Variants in POLA1 observed in about 807,000 individuals in gnomAD.
POLA1 encodes the protein DNA polymerase alpha 1, catalytic subunit.
A neutral mutation model predicts 124.0 loss-of-function variants in POLA1; 15 were observed. That is an observed-to-expected ratio of 0.12 (90% CI 0.08 to 0.19). The LOEUF (loss-of-function observed/expected upper bound fraction) is 0.19, where lower values mean the gene tolerates loss of function less well. POLA1 is among the 10% of genes least tolerant of loss of function. POLA1 has a pLI of 1.00. For missense variants in POLA1, 886 were observed against 1,103.4 expected, an observed-to-expected ratio of 0.80 and a Z score of 2.79; for synonymous variants, 408 against 389.4, an observed-to-expected ratio of 1.05 and a Z score of -0.56.
At chrX:24,790,887 C>G (rs1334210665) in intron 26 of POLA1, among the ~76,000 whole-genome samples, 7 of 94,927 alleles carry the variant, frequency 7.4e-5, no homozygotes, top group Non-Finnish European at 1.4e-4. Context: ...TATATACAGC[C>G]CCCACTCATT....
chrX:24,748,734 G>T, intron 25 of POLA1, 136 bp from the exon 26 acceptor site: 1 of 671,726 alleles, frequency 1.5e-6, no homozygotes. Context: ...AGGAGAATGG[G>T]TTGAGTATAT....
At chrX:24,764,188 G>C (rs769640165) in intron 26 of POLA1, among the ~76,000 whole-genome samples, 32 of 112,185 alleles carry the variant, frequency 2.9e-4, no homozygotes, top group Non-Finnish European at 4.7e-4. Context: ...AAATGCGTTT[G>C]ATACATAATA....
chrX:24,814,891 C>T, intron 29 of POLA1, 88 bp from the exon 30 acceptor site: 1 of 814,625 alleles, frequency 1.2e-6, no homozygotes, highest in Non-Finnish European at 1.7e-6. Context: ...AATCTAATGG[C>T]ATTTCTCTTC....
intron 26 of POLA1, among the ~76,000 whole-genome samples, chrX:24,760,751 C>T (rs1260265569): frequency 1.8e-5 from 2 of 111,766 alleles, no homozygotes; most frequent in African/African-American, 3.3e-5. Flanking sequence ...TTACAATGAA[C>T]TGAGATTGGT....
At chrX:24,943,793 TACAC>T (rs202218478) in intron 36 of POLA1, among the ~76,000 whole-genome samples, 438 of 112,775 alleles carry the variant, frequency 3.9e-3, no homozygotes, top group Middle Eastern at 9.2e-3. Flanking sequence ...TTCAGTAACT[TACAC>T]AGGAGTCTTT....
intron 34 of POLA1, among the ~76,000 whole-genome samples, chrX:24,855,063 A>G (rs778447919): frequency 2.6e-4 from 29 of 111,655 alleles, no homozygotes; most frequent in Non-Finnish European, 4.0e-4. Flanking sequence ...AGATTAGTAT[A>G]TAAGGAATGA....
intron 36 of POLA1, among the ~76,000 whole-genome samples, chrX:24,957,905 G>A (rs1044583459): frequency 3.6e-5 from 4 of 110,526 alleles, no homozygotes; most frequent in African/African-American, 6.6e-5. Context: ...GTAGTCCTGC[G>A]TCTTGGTGGG....
At chrX:24,818,077 C>A (rs1194627531) in intron 30 of POLA1, among the ~76,000 whole-genome samples, 1 of 109,725 alleles carries the variant, frequency 9.1e-6, no homozygotes, top group Non-Finnish European at 1.9e-5. Flanking sequence ...TGAAAAACAG[C>A]ATGTGTGATT....
chrX:24,824,289 A>G (rs2046137484), intron 31 of POLA1, among the ~76,000 whole-genome samples: 1 of 109,630 alleles, frequency 9.1e-6, no homozygotes, highest in South Asian at 4.0e-4. Flanking sequence ...TTTGAAGGTT[A>G]TTATTATTTT....
At chrX:24,854,614 C>T (rs2147086432) in intron 34 of POLA1, among the ~76,000 whole-genome samples, 1 of 111,139 alleles carries the variant, frequency 9.0e-6, no homozygotes, top group East Asian at 2.8e-4. Context: ...CGGATCACCT[C>T]ACGTCAGGGG....
chrX:24,842,353 G>T (rs2046421160), intron 33 of POLA1, among the ~76,000 whole-genome samples: 1 of 111,583 alleles, frequency 9.0e-6, no homozygotes, highest in Non-Finnish European at 1.9e-5. Context: ...TTCCTTTCAA[G>T]AAGTACTGCC....
At chrX:24,707,168 C>A (rs768558082) in intron 4 of POLA1, among the ~76,000 whole-genome samples, 71 of 112,157 alleles carry the variant, frequency 6.3e-4, no homozygotes, top group Middle Eastern at 4.6e-3. Flanking sequence ...ACTTTCATCT[C>A]CCTGAACTGA....
chrX:24,704,546 T>C, intron 4 of POLA1, 77 bp downstream of exon 4: 2 of 656,451 alleles, frequency 3.0e-6, no homozygotes, highest in South Asian at 2.6e-5. Context: ...CTTGATACTC[T>C]GATAGTTTAC....
intron 35 of POLA1, among the ~76,000 whole-genome samples, chrX:24,908,273 A>C (rs979843607): frequency 9.1e-6 from 1 of 109,744 alleles, no homozygotes; most frequent in African/African-American, 3.3e-5. Context: ...ATTTTAGGGT[A>C]CACGTGTACA....
chrX:24,968,659 G>A (rs1208188606), intron 36 of POLA1, among the ~76,000 whole-genome samples: 2 of 104,021 alleles, frequency 1.9e-5, no homozygotes, highest in Non-Finnish European at 3.9e-5. Context: ...GCGGAGATTG[G>A]GCCACTGTAC....
intron 23 of POLA1, among the ~76,000 whole-genome samples, chrX:24,744,740 C>G (rs1023631438): frequency 5.5e-5 from 6 of 109,382 alleles, no homozygotes; most frequent in African/African-American, 2.0e-4. Context: ...ATCACGAGGT[C>G]AGGAGATCGA....
At chrX:24,765,101 G>T (rs756154756) in intron 26 of POLA1, among the ~76,000 whole-genome samples, 2 of 110,178 alleles carry the variant, frequency 1.8e-5, no homozygotes, top group East Asian at 2.9e-4. Flanking sequence ...CCCTGCTTTA[G>T]TCCAGCCACA....
At chrX:24,925,704 A>G (rs144836019) in intron 35 of POLA1, among the ~76,000 whole-genome samples, 2 of 111,936 alleles carry the variant, frequency 1.8e-5, no homozygotes, top group East Asian at 5.6e-4. Flanking sequence ...ATGTGCTTCA[A>G]AGACATGTAC....
chrX:24,741,153 G>A (rs1312989022), intron 20 of POLA1, among the ~76,000 whole-genome samples: 4 of 100,633 alleles, frequency 4.0e-5, no homozygotes, highest in East Asian at 3.0e-4. Context: ...GTGTGCGCGC[G>A]TGTGTGTGTG....
Sources: allele counts gnomAD v4.1 joint callset (sites outside exome capture counted in the v4.1 genomes callset), GRCh38; gene constraint gnomAD v4.1.1; transcripts MANE v1.5; gene names NCBI Gene and HGNC (gene_info 2026-07-23, HGNC 2026-07-21).